Variants in EPM2A observed in about 807,000 individuals in gnomAD.
EPM2A encodes the protein laforin.
In EPM2A, 21 loss-of-function variants were observed where a neutral mutation model predicts 26.5. The observed-to-expected ratio is 0.79, with a 90% CI of 0.56 to 1.14. The LOEUF (loss-of-function observed/expected upper bound fraction) is 1.14. Among genes scored for constraint, EPM2A ranks in the 50% most tolerant of loss-of-function variants. EPM2A has a pLI of 0.00. For missense variants in EPM2A, 458 were observed against 440.8 expected, an observed-to-expected ratio of 1.04 and a Z score of -0.35; for synonymous variants, 217 against 177.6, an observed-to-expected ratio of 1.22 and a Z score of -1.76.
intron 4 of EPM2A, among the ~76,000 whole-genome samples, chr6:145,386,532 C>T (rs1225864830): frequency 2.0e-5 from 3 of 151,932 alleles, no homozygotes; most frequent in African/African-American, 4.8e-5. Flanking sequence ...GGAGTTTGAC[C>T]TGTTAAAGCT....
intron 4 of EPM2A, among the ~76,000 whole-genome samples, chr6:145,446,964 G>A (rs915315021): frequency 6.6e-6 from 1 of 152,020 alleles, no homozygotes; most frequent in Non-Finnish European, 1.5e-5. Flanking sequence ...GTTGGTAGGA[G>A]AATTAATTAG....
chr6:145,502,613 C>G (rs895364979), intron 2 of EPM2A: 4 of 470,544 alleles, frequency 8.5e-6, no homozygotes, highest in African/African-American at 8.0e-5. Context: ...CTTATTAAAA[C>G]CTGGCACAGT....
At chr6:145,644,444 C>T (rs1777310306) in intron 2 of EPM2A, among the ~76,000 whole-genome samples, 1 of 152,010 alleles carries the variant, frequency 6.6e-6, no homozygotes, top group African/African-American at 2.4e-5. Flanking sequence ...TTTTGAAAAG[C>T]TGCATAAGTT....
chr6:145,474,158 A>C (rs753356180), intron 4 of EPM2A, among the ~76,000 whole-genome samples: 1 of 152,100 alleles, frequency 6.6e-6, no homozygotes. Flanking sequence ...AAACAATAAA[A>C]AGTTAAAAAG....
At chr6:145,508,956 G>A (rs1190344195) in intron 2 of EPM2A, among the ~76,000 whole-genome samples, 4 of 152,030 alleles carry the variant, frequency 2.6e-5, no homozygotes, top group Non-Finnish European at 5.9e-5. Flanking sequence ...ACAGTTGGAA[G>A]CATTAACAAC....
intron 2 of EPM2A, among the ~76,000 whole-genome samples, chr6:145,529,159 T>C (rs1266755506): frequency 2.0e-5 from 3 of 152,138 alleles, no homozygotes; most frequent in Non-Finnish European, 4.4e-5. Context: ...CTACTCCTGG[T>C]GGAAATGCTA....
chr6:145,406,821 A>T (rs1778576364), intron 4 of EPM2A, among the ~76,000 whole-genome samples: 1 of 152,190 alleles, frequency 6.6e-6, no homozygotes, highest in Non-Finnish European at 1.5e-5. Flanking sequence ...AGTCATTAGA[A>T]ATGCAAATCC....
intron 2 of EPM2A, among the ~76,000 whole-genome samples, chr6:145,651,804 G>A (rs1777902975): frequency 1.3e-5 from 2 of 152,154 alleles, no homozygotes; most frequent in South Asian, 4.1e-4. Flanking sequence ...TACTCAGGTG[G>A]TTAGGAAAAA....
chr6:145,433,177 A>G (rs1017787594), intron 4 of EPM2A, among the ~76,000 whole-genome samples: 2 of 152,108 alleles, frequency 1.3e-5, no homozygotes, highest in Non-Finnish European at 2.9e-5. Context: ...TCCTTCAAGA[A>G]CTTTTCCTTT....
intron 4 of EPM2A, among the ~76,000 whole-genome samples, chr6:145,433,994 C>T (rs1778954011): frequency 6.6e-6 from 1 of 151,930 alleles, no homozygotes; most frequent in Admixed American, 6.6e-5. Flanking sequence ...TATTGCATCT[C>T]TTCTAGCAAA....
intron 4 of EPM2A, among the ~76,000 whole-genome samples, chr6:145,427,353 A>G (rs1407522882): frequency 6.6e-6 from 1 of 152,186 alleles, no homozygotes; most frequent in African/African-American, 2.4e-5. Flanking sequence ...TTCGGGGCAG[A>G]GTGTAACAGA....
At chr6:145,404,595 G>A (rs975351771) in intron 4 of EPM2A, among the ~76,000 whole-genome samples, 11 of 151,964 alleles carry the variant, frequency 7.2e-5, no homozygotes. Flanking sequence ...TCGTTTCAAT[G>A]GTAGCCCTCT....
intron 4 of EPM2A, among the ~76,000 whole-genome samples, chr6:145,478,291 T>A (rs1434279266): frequency 6.6e-6 from 1 of 151,700 alleles, no homozygotes; most frequent in Non-Finnish European, 1.5e-5. Context: ...CCAAAAAAAA[T>A]GGAAAAATAT....
At chr6:145,500,555 A>G (rs1779876090), downstream of EPM2A, among the ~76,000 whole-genome samples, 1 of 152,172 alleles carries the variant, frequency 6.6e-6, no homozygotes, top group South Asian at 2.1e-4. Flanking sequence ...ATCAGTAGAC[A>G]AAGGGAAAGG....
At chr6:145,681,879 A>T (rs970767186) in intron 2 of EPM2A, among the ~76,000 whole-genome samples, 2 of 152,096 alleles carry the variant, frequency 1.3e-5, no homozygotes, top group South Asian at 2.1e-4. Context: ...ATGTCCTAGC[A>T]TTCCCAGTAA....
intron 2 of EPM2A, among the ~76,000 whole-genome samples, chr6:145,647,209 T>G (rs1046610455): frequency 2.0e-5 from 3 of 152,296 alleles, no homozygotes; most frequent in Admixed American, 6.5e-5. Context: ...TTGGCCTGAC[T>G]CTTTGGAATC....
chr6:145,413,461 T>C (rs1200914709), intron 4 of EPM2A, among the ~76,000 whole-genome samples: 2 of 152,180 alleles, frequency 1.3e-5, no homozygotes, highest in Non-Finnish European at 2.9e-5. Flanking sequence ...TTTTATGAAT[T>C]GTGCTAATAG....
intron 2 of EPM2A, among the ~76,000 whole-genome samples, chr6:145,655,678 A>G (rs993764519): frequency 3.9e-5 from 6 of 152,204 alleles, no homozygotes; most frequent in Admixed American, 2.0e-4. Flanking sequence ...AAAGCTTTAA[A>G]TAAGAGTTTC....
intron 2 of EPM2A, chr6:145,670,782 C>A (rs75837628): frequency 6.1e-6 from 2 of 326,962 alleles, no homozygotes; most frequent in African/African-American, 4.5e-5. Flanking sequence ...AAATATATTT[C>A]GAAAACATAA....
Sources: gnomAD v4.1 joint callset for allele counts (sites outside exome capture counted in the v4.1 genomes callset) on GRCh38, gnomAD v4.1.1 for gene constraint, MANE v1.5 for transcripts, NCBI Gene and HGNC (gene_info 2026-07-23, HGNC 2026-07-21) for gene names.